The following GPC5 variants were observed in gnomAD, a reference collection of about 807,000 sequenced individuals.
GPC5 encodes glypican 5.
A neutral mutation model predicts 53.9 loss-of-function variants in GPC5; 47 were observed. The observed-to-expected ratio is 0.87, with a 90% CI of 0.69 to 1.11. The LOEUF (loss-of-function observed/expected upper bound fraction) is 1.11. Among genes scored for constraint, GPC5 ranks in the 50% most tolerant of loss-of-function variants. The probability of loss-of-function intolerance (pLI) is 0.00; values close to 1 mark genes in which losing one functional copy is unlikely to be tolerated. For synonymous variants in GPC5, 286 were observed against 263.3 expected (o/e 1.09, Z -0.84); for missense variants, 748 against 713.1 (o/e 1.05, Z -0.56).
chr13:92,675,574 C>T (rs988700311), intron 7 of GPC5, among the ~76,000 whole-genome samples: 12 of 142,466 alleles, frequency 8.4e-5, no homozygotes, highest in African/African-American at 2.9e-4. Flanking sequence ...GTATTTTGTC[C>T]CCCTCCTTTT....
At chr13:92,235,841 T>C (rs1253355266) in intron 7 of GPC5, among the ~76,000 whole-genome samples, 3 of 152,124 alleles carry the variant, frequency 2.0e-5, no homozygotes, top group Non-Finnish European at 4.4e-5. Flanking sequence ...CCTCTCACTT[T>C]TATTCTTACT....
In GPC5 at chr13:92,705,689, C is replaced by T. The variant is rs191648234; in HGVS notation, c.1562-160593C>T. ...TTATATATGTGACTTGCATTCCTGGCTCACAATACGTCTATGTTGGAAAGC... is the reference window on the plus strand; with the variant it reads ...TTATATATGTGACTTGCATTCCTGGTTCACAATACGTCTATGTTGGAAAGC... On this transcript the variant is annotated intron_variant, in intron 7 of 7. Coordinates refer to ENST00000377067, the MANE Select transcript of GPC5 (RefSeq NM_004466.6). Among the ~76,000 whole-genome samples, 98 of 152,096 alleles carry T rather than the reference C, an allele frequency of 6.4e-4. 1 individual carries two copies. The highest frequency in any genetic ancestry group is 2.2e-3 in the African/African-American group (92 of 41,514).
chr13:91,709,972 C>G (rs2036191670), intron 3 of GPC5, among the ~76,000 whole-genome samples: 1 of 152,178 alleles, frequency 6.6e-6, no homozygotes, highest in South Asian at 2.1e-4. Flanking sequence ...ACCCTTGTCA[C>G]ATATCAATCT....
chr13:92,529,723 C>T (rs1352012378), intron 7 of GPC5, among the ~76,000 whole-genome samples: 3 of 152,098 alleles, frequency 2.0e-5, no homozygotes, highest in South Asian at 4.1e-4. Context: ...AAATACAACA[C>T]AAATATTAAG....
chr13:92,699,683 T>G (rs984135618), intron 7 of GPC5, among the ~76,000 whole-genome samples: 18 of 152,236 alleles, frequency 1.2e-4, no homozygotes, highest in African/African-American at 4.3e-4. Context: ...ATTTCGTTAT[T>G]TTCCCAGTAG....
intron 3 of GPC5, among the ~76,000 whole-genome samples, chr13:91,715,205 C>G (rs1343404970): frequency 6.6e-6 from 1 of 152,132 alleles, no homozygotes; most frequent in Non-Finnish European, 1.5e-5. Flanking sequence ...TGCTTCTGCC[C>G]CATCCCTGTT....
intron 2 of GPC5, among the ~76,000 whole-genome samples, chr13:91,563,629 G>T (rs906434632): frequency 6.6e-6 from 1 of 152,140 alleles, no homozygotes; most frequent in Non-Finnish European, 1.5e-5. Context: ...ATAATTATGG[G>T]AAATTGCCAT....
intron 7 of GPC5, among the ~76,000 whole-genome samples, chr13:92,734,133 T>C (rs12429124): frequency 2.6e-5 from 4 of 151,790 alleles, no homozygotes; most frequent in Non-Finnish European, 4.4e-5. Flanking sequence ...CAAAAACACA[T>C]TGTGGCTTAG....
At chr13:92,382,617 G>C (rs1170732156) in intron 7 of GPC5, among the ~76,000 whole-genome samples, 1 of 152,104 alleles carries the variant, frequency 6.6e-6, no homozygotes, top group East Asian at 1.9e-4. Flanking sequence ...AAGTTGAACT[G>C]AAAGCAAACA....
At chr13:92,725,150 A>G (rs1200569691) in intron 7 of GPC5, among the ~76,000 whole-genome samples, 1 of 151,562 alleles carries the variant, frequency 6.6e-6, no homozygotes, top group Non-Finnish European at 1.5e-5. Context: ...TTTAGAAGAT[A>G]TATCTTCTTT....
In GPC5 at chr13:91,813,541, G is replaced by A. The variant is rs149173054; in HGVS notation, c.1280+57121G>A. Among the ~76,000 whole-genome samples, 420 of 152,308 alleles carry A rather than the reference G, an allele frequency of 2.8e-3. 5 individuals carry two copies. The highest frequency in any genetic ancestry group is 0.02 in the South Asian group (97 of 4,826). On this transcript the variant is annotated intron_variant, in intron 5 of 7. Transcript: ENST00000377067. ...ACAAGGTGGTTGGTGCCAAGGCCGG[G>A]TTGGTCTTTGACAGAGCAGAAACCA...
intron 7 of GPC5, among the ~76,000 whole-genome samples, chr13:92,633,261 G>C (rs1435219929): frequency 6.6e-6 from 1 of 152,032 alleles, no homozygotes; most frequent in East Asian, 1.9e-4. Context: ...GGAATTGTGG[G>C]AGTTACAATT....
intron 7 of GPC5, among the ~76,000 whole-genome samples, chr13:92,355,327 A>T (rs1008077982): frequency 2.0e-5 from 3 of 152,014 alleles, no homozygotes; most frequent in Non-Finnish European, 2.9e-5. Flanking sequence ...TTATATTTTA[A>T]GTTATCTGAG....
intron 7 of GPC5, among the ~76,000 whole-genome samples, chr13:92,803,337 A>T (rs1021122777): frequency 3.4e-4 from 52 of 151,948 alleles, no homozygotes; most frequent in African/African-American, 1.2e-3. Context: ...ATCTCAAAGC[A>T]TAAATTCACC....
chr13:91,639,128 T>A (rs757456395), intron 2 of GPC5, among the ~76,000 whole-genome samples: 2 of 152,222 alleles, frequency 1.3e-5, no homozygotes, highest in Non-Finnish European at 2.9e-5. Context: ...CTTCTGTCCC[T>A]CTGTCTTGAT....
chr13:92,406,537 C>A (rs1033030394), intron 7 of GPC5, among the ~76,000 whole-genome samples: 1 of 152,108 alleles, frequency 6.6e-6, no homozygotes, highest in African/African-American at 2.4e-5. Context: ...TTAATATGAG[C>A]CAGGTGCTCT....
In GPC5 at chr13:92,740,958, G is replaced by GTATATATATAA. The variant is rs1243138473; in HGVS notation, c.1562-125323_1562-125322insATATATATAAT. Among the ~76,000 whole-genome samples, 34 of 89,248 alleles carry GTATATATATAA rather than the reference G, an allele frequency of 3.8e-4. 1 individual carries two copies. Among genetic ancestry groups the GTATATATATAA allele is most frequent in the African/African-American group, 1.2e-3 (31 of 25,298 alleles). The allele number at this position is 89,248 out of a possible 152,430, so 58.6% of individuals were successfully genotyped here. A position where few individuals can be genotyped will look rare whatever the true frequency, so the allele number is the denominator to read the frequency against. ...CATGTATGTGTGTATATATATGTAT[G>GTATATATATAA]TGTATATATATATCCTGCTGTAGCA... On this transcript the variant is annotated intron_variant, in intron 7 of 7. Transcript: ENST00000377067.
At chr13:91,763,189 T>C (rs1479607324) in intron 5 of GPC5, among the ~76,000 whole-genome samples, 2 of 152,220 alleles carry the variant, frequency 1.3e-5, no homozygotes, top group Non-Finnish European at 2.9e-5. Context: ...CAAAGTGAAG[T>C]TGATGCCTGA....
intron 5 of GPC5, among the ~76,000 whole-genome samples, chr13:91,890,776 G>T (rs1242440678): frequency 6.6e-6 from 1 of 152,170 alleles, no homozygotes; most frequent in African/African-American, 2.4e-5. Context: ...TGAGTCATTA[G>T]TCTTAAACTA....
Sources: gnomAD v4.1 joint callset for allele counts (sites outside exome capture counted in the v4.1 genomes callset) on GRCh38, gnomAD v4.1.1 for gene constraint, MANE v1.5 for transcripts, NCBI Gene and HGNC (gene_info 2026-07-23, HGNC 2026-07-21) for gene names.